REXO5: variants seen among roughly 807,000 people sequenced by gnomAD.
The protein encoded by REXO5 is exonuclease NEF-sp.
In REXO5, 48 loss-of-function variants were observed where a neutral mutation model predicts 88.5. The observed-to-expected ratio is 0.54, with a 90% CI of 0.43 to 0.69. The LOEUF (loss-of-function observed/expected upper bound fraction) is 0.69. REXO5 is among the 30% of genes least tolerant of loss of function. The pLI, the probability that REXO5 is intolerant of heterozygous loss-of-function variation, is 0.00. For synonymous variants in REXO5, 311 were observed against 336.5 expected, an observed-to-expected ratio of 0.92 and a Z score of 0.83; for missense variants, 749 against 912.2, an observed-to-expected ratio of 0.82 and a Z score of 2.30.
rs768444874 is a variant in REXO5, at chr16:20,825,871, A to T, written c.744A>T (p.Ser248=). Residue 248 remains serine, a synonymous_variant, in exon 8 of 20, where the codon TCA becomes TCT. Transcript: ENST00000261377. ...TSKGRELTRI[S]LVAEGGCCVM... ...AGGGGAGAGAGCTAACACGCATCTC[A>T]CTGGTTGCTGAAGGAGGCTGCTGTG... 6 of 1,613,882 alleles carry T rather than the reference A, an allele frequency of 3.7e-6. No individual in the cohort carries two copies. The South Asian group carries it at 6.6e-5, about 18-fold the overall frequency.
At chr16:20,847,096 A>G (rs1296443942) in intron 19 of REXO5, among the ~76,000 whole-genome samples, 2 of 152,048 alleles carry the variant, frequency 1.3e-5, no homozygotes, top group Admixed American at 1.3e-4. Context: ...GGTTGTGTTA[A>G]TTTTTAAAAG....
intron 5 of REXO5, among the ~76,000 whole-genome samples, chr16:20,816,702 C>T (rs1218685219): frequency 1.3e-5 from 2 of 152,108 alleles, no homozygotes; most frequent in African/African-American, 4.8e-5. Flanking sequence ...ATAGCAGGAA[C>T]CACAGCCAGG....
chr16:20,832,021 C>G, intron 11 of REXO5, 135 bp from the exon 12 acceptor site: 2 of 602,186 alleles, frequency 3.3e-6, no homozygotes, highest in East Asian at 6.0e-5. Context: ...ATGGCAAAGC[C>G]ACTGCCTAAG....
chr16:20,832,367 T>C, intron 12 of REXO5, 108 bp downstream of exon 12: 1 of 651,258 alleles, frequency 1.5e-6, no homozygotes. Flanking sequence ...TTAAAAACTA[T>C]TTACCAAAAA....
intron 3 of REXO5, among the ~76,000 whole-genome samples, chr16:20,813,569 C>A (rs1457433544): frequency 6.6e-6 from 1 of 152,046 alleles, no homozygotes; most frequent in Non-Finnish European, 1.5e-5. Flanking sequence ...AATAATTTGT[C>A]AAAGCTGAGT....
chr16:20,836,306 G>A (rs528193230), intron 13 of REXO5, among the ~76,000 whole-genome samples: 88 of 152,228 alleles, frequency 5.8e-4, no homozygotes, highest in Non-Finnish European at 1.1e-3. Context: ...CTGCCTGTTG[G>A]AAACCACTGA....
At chr16:20,845,291 G>A in intron 18 of REXO5, 50 bp downstream of exon 18, 1 of 1,489,560 alleles carries the variant, frequency 6.7e-7, no homozygotes, top group South Asian at 1.2e-5. Flanking sequence ...GTCCTGCTCA[G>A]TGACACTTAA....
intron 13 of REXO5, among the ~76,000 whole-genome samples, chr16:20,835,016 C>G (rs1279270808): frequency 6.6e-6 from 1 of 152,160 alleles, no homozygotes; most frequent in Non-Finnish European, 1.5e-5. Context: ...TATTGGATGC[C>G]AGACATAGTG....
rs772229608 is a variant in REXO5 at position 20,827,179 on chromosome 16, G to A, written c.943G>A (p.Asp315Asn). Reference protein sequence around the residue: ...AVLVGHSLDLDLRALKMIHPY... With the variant: ...AVLVGHSLDLNLRALKMIHPY... ...GTTAGTGGGCCACTCCTTAGATTTG[G>A]ATCTCAGAGCACTGAAAGTGAGTAT... Residue 315 changes from aspartate (D) to asparagine (N), a missense_variant, in exon 9 of 20, where the codon GAT becomes AAT. Asp to Asn is a conservative substitution (Grantham distance 23). Coordinates refer to ENST00000261377, the MANE Select transcript of REXO5 (RefSeq NM_030941.3). 1.2e-6 allele frequency: 2 copies of A among 1,614,042 alleles called. No individual in the cohort carries two copies. The highest frequency in any genetic ancestry group is 1.7e-6 in the Non-Finnish European group (2 of 1,179,990).
At chr16:20,840,288 T>C in intron 14 of REXO5, 43 bp from the exon 15 acceptor site, 1 of 1,453,502 alleles carries the variant, frequency 6.9e-7, no homozygotes. Flanking sequence ...CAGTTCTCTT[T>C]CCATATTCAT....
chr16:20,833,085 A>G lies in REXO5; in HGVS notation c.1345A>G (p.Arg449Gly), dbSNP rs1337254686. 3.7e-6 allele frequency: 6 copies of G among 1,613,698 alleles called. No homozygotes were observed. Residue 449 changes from arginine to glycine, a missense_variant, in exon 13 of 20, where the codon AGA becomes GGA. Arg to Gly is a moderately radical substitution (Grantham distance 125). Coordinates refer to ENST00000261377, the MANE Select transcript of REXO5 (RefSeq NM_030941.3). ...ETDAGELPSSRNCQTIKCLSN... is the reference protein window; with the variant it reads ...ETDAGELPSSGNCQTIKCLSN... ...AGATGCTGGTGAACTTCCATCTTCC[A>G]GAAATTGTCAAACTATTAAGTGTCT...
intron 19 of REXO5, among the ~76,000 whole-genome samples, chr16:20,847,436 CAAAAAAA>C (rs550642998): frequency 1.2e-5 from 1 of 80,568 alleles, no homozygotes; most frequent in African/African-American, 5.2e-5. Context: ...ACTCTTATCT[CAAAAAAA>C]AAAAAAAAAA....
chr16:20,837,545 T>C (rs553968857), intron 13 of REXO5, among the ~76,000 whole-genome samples: 2 of 152,328 alleles, frequency 1.3e-5, no homozygotes, highest in South Asian at 4.1e-4. Flanking sequence ...CCTAATTCTT[T>C]CCATGCTTTT....
At chr16:20,838,374 A>G (rs1224763708) in intron 13 of REXO5, among the ~76,000 whole-genome samples, 1 of 152,040 alleles carries the variant, frequency 6.6e-6, no homozygotes, top group Non-Finnish European at 1.5e-5. Flanking sequence ...TAACTTTTTT[A>G]TTTTGCAGAA....
At chr16:20,813,373 C>G (rs537501692) in intron 3 of REXO5, 71 bp downstream of exon 3, 62 of 772,552 alleles carry the variant, frequency 8.0e-5, no homozygotes, top group East Asian at 4.7e-4. Context: ...TTACCTCTCC[C>G]AAGCTCCATC....
At position 20,839,719 on chromosome 16, in the gene REXO5, G is replaced by A. The variant is rs541208271; in HGVS notation, c.1384-36G>A. ...TCCAGGAGCCACAATAGAGTATGAG[G>A]TTCCTACCTTATCCAGGCTGTGCTG... On this transcript the variant is annotated intron_variant, in intron 13 of 19. Transcript: ENST00000261377. The A allele has an allele frequency of 3.4e-6, 5 of 1,452,740 alleles. 1 individual carries two copies. In the South Asian group the frequency reaches 5.9e-5, roughly 17 times the overall value. 90.0% of individuals were successfully genotyped at this position (1,452,740 alleles called of 1,614,324 possible). A position where few individuals can be genotyped will look rare whatever the true frequency, so the allele number is the denominator to read the frequency against.
intron 19 of REXO5, among the ~76,000 whole-genome samples, chr16:20,848,242 T>A (rs2356270): frequency 7.3e-5 from 10 of 137,800 alleles, no homozygotes; most frequent in Non-Finnish European, 1.3e-4. Context: ...TGGGAAACGT[T>A]GGGGAAAAAA....
intron 5 of REXO5, among the ~76,000 whole-genome samples, chr16:20,818,166 G>GC (rs1312484281): frequency 2.6e-5 from 4 of 151,952 alleles, no homozygotes; most frequent in Admixed American, 2.0e-4. Context: ...CCCTTTCCCT[G>GC]CCCCAATATT....
intron 6 of REXO5, among the ~76,000 whole-genome samples, 181 bp from the exon 7 acceptor site, chr16:20,824,258 G>C (rs1369771147): frequency 6.6e-6 from 1 of 152,086 alleles, no homozygotes; most frequent in Non-Finnish European, 1.5e-5. Flanking sequence ...ATAAAAATGA[G>C]TAGATGGAGA....
Sources: allele counts gnomAD v4.1 joint callset (sites outside exome capture counted in the v4.1 genomes callset), GRCh38; gene constraint gnomAD v4.1.1; transcripts MANE v1.5; gene names NCBI Gene and HGNC (gene_info 2026-07-23, HGNC 2026-07-21).